Variants in TBC1D14 observed in about 807,000 individuals in gnomAD.
TBC1D14 encodes the protein TBC1 domain family member 14.
In TBC1D14, 26 loss-of-function variants were observed where a neutral mutation model predicts 79.0. The observed-to-expected ratio is 0.33, with a 90% CI of 0.24 to 0.46. The LOEUF is 0.46. Among genes scored for constraint, TBC1D14 ranks in the 20% least tolerant of loss-of-function variants. The probability of loss-of-function intolerance (pLI) is 1.00; values close to 1 mark genes in which losing one functional copy is unlikely to be tolerated. For missense variants in TBC1D14, 769 were observed against 887.6 expected (o/e 0.87, Z 1.70); for synonymous variants, 394 against 349.9 (o/e 1.13, Z -1.40).
chr4:6,915,072 G>C (rs1174118109), intron 1 of TBC1D14, among the ~76,000 whole-genome samples: 1 of 152,252 alleles, frequency 6.6e-6, no homozygotes, highest in East Asian at 1.9e-4. Flanking sequence ...AGATGCAGGG[G>C]TTGGTGCTTG....
At chr4:7,021,539 G>T (rs114987250) in intron 12 of TBC1D14, among the ~76,000 whole-genome samples, 4,757 of 152,260 alleles carry the variant, frequency 0.031, 250 homozygotes, top group African/African-American at 0.11. Context: ...CTAGGTTGCA[G>T]TGAGCCGTGA....
At chr4:7,000,923 T>A (rs1331978499) in intron 6 of TBC1D14, among the ~76,000 whole-genome samples, 1 of 152,188 alleles carries the variant, frequency 6.6e-6, no homozygotes, top group Non-Finnish European at 1.5e-5. Flanking sequence ...CGTGGTGACC[T>A]ACGCTATGCT....
chr4:6,930,929 C>A (rs533413185), intron 2 of TBC1D14, among the ~76,000 whole-genome samples: 4 of 152,060 alleles, frequency 2.6e-5, no homozygotes, highest in Admixed American at 2.6e-4. Flanking sequence ...GAGATGAAAT[C>A]TTGCTGTGTT....
At chr4:6,974,615 G>T (rs1439613311) in intron 3 of TBC1D14, among the ~76,000 whole-genome samples, 1 of 152,144 alleles carries the variant, frequency 6.6e-6, no homozygotes, top group South Asian at 2.1e-4. Context: ...CGCTTCAAAG[G>T]CTTTGAAAAC....
intron 2 of TBC1D14, among the ~76,000 whole-genome samples, chr4:6,941,018 C>T (rs1560264480): frequency 1.3e-5 from 2 of 152,120 alleles, no homozygotes; most frequent in Non-Finnish European, 2.9e-5. Flanking sequence ...TGAGGGTAAA[C>T]ACGAGCGATT....
chr4:6,985,427 A>G (rs1217414641), intron 3 of TBC1D14, among the ~76,000 whole-genome samples: 2 of 152,234 alleles, frequency 1.3e-5, no homozygotes, highest in Admixed American at 1.3e-4. Flanking sequence ...AAGGTCAAAG[A>G]TTTATTTTAC....
intron 12 of TBC1D14, among the ~76,000 whole-genome samples, chr4:7,022,764 G>A (rs1335012892): frequency 1.3e-5 from 2 of 151,958 alleles, no homozygotes; most frequent in African/African-American, 2.4e-5. Flanking sequence ...ATTTTATAAA[G>A]TTCATTACCT....
intron 8 of TBC1D14, among the ~76,000 whole-genome samples, chr4:7,006,215 G>A (rs999333310): frequency 2.6e-5 from 4 of 152,046 alleles, no homozygotes; most frequent in African/African-American, 7.2e-5. Flanking sequence ...GTATAATACC[G>A]CAATAGTTTC....
At chr4:6,959,527 C>G (rs988660974) in intron 2 of TBC1D14, among the ~76,000 whole-genome samples, 1 of 152,100 alleles carries the variant, frequency 6.6e-6, no homozygotes, top group Non-Finnish European at 1.5e-5. Context: ...CCAGCAGGGC[C>G]CCCGCCTCTG....
chr4:6,937,131 G>A (rs907853646), intron 2 of TBC1D14, among the ~76,000 whole-genome samples: 1 of 152,202 alleles, frequency 6.6e-6, no homozygotes, highest in African/African-American at 2.4e-5. Context: ...TGGTCAGGCT[G>A]GTCTGGAACT....
At chr4:6,926,756 T>TA (rs1724329188) in intron 2 of TBC1D14, among the ~76,000 whole-genome samples, 1 of 152,210 alleles carries the variant, frequency 6.6e-6, no homozygotes. Flanking sequence ...TAAATGGAGT[T>TA]ACAGTGAATG....
At chr4:6,944,622 T>C (rs1346375677) in intron 2 of TBC1D14, among the ~76,000 whole-genome samples, 2 of 152,248 alleles carry the variant, frequency 1.3e-5, no homozygotes, top group Non-Finnish European at 2.9e-5. Flanking sequence ...AAGCAGTGGC[T>C]GATGGGCGGT....
intron 3 of TBC1D14, among the ~76,000 whole-genome samples, chr4:6,983,811 T>C (rs180838441): frequency 6.6e-6 from 1 of 152,364 alleles, no homozygotes; most frequent in Admixed American, 6.5e-5. Context: ...CTGAGAAGTA[T>C]AAATTCTTCA....
chr4:6,962,812 C>T (rs890284179), intron 2 of TBC1D14, among the ~76,000 whole-genome samples: 4 of 152,190 alleles, frequency 2.6e-5, no homozygotes, highest in South Asian at 2.1e-4. Context: ...GGCCTTGATT[C>T]GTCTGGGTTG....
intron 2 of TBC1D14, among the ~76,000 whole-genome samples, chr4:6,940,459 C>T (rs1214946947): frequency 6.6e-6 from 1 of 152,116 alleles, no homozygotes; most frequent in Non-Finnish European, 1.5e-5. Flanking sequence ...GGAAGGAAAC[C>T]CAGGCCAGGT....
At chr4:6,998,297 T>C (rs1577145210) in intron 5 of TBC1D14, among the ~76,000 whole-genome samples, 1 of 149,744 alleles carries the variant, frequency 6.7e-6, no homozygotes, top group Non-Finnish European at 1.5e-5. Flanking sequence ...GAGGCGGAGG[T>C]TTCAGTGAGC....
At chr4:6,984,049 C>A (rs1023799181) in intron 3 of TBC1D14, among the ~76,000 whole-genome samples, 3 of 143,458 alleles carry the variant, frequency 2.1e-5, no homozygotes, top group African/African-American at 7.5e-5. Context: ...CACATTTGTT[C>A]TTTTACAGGT....
chr4:7,016,674 A>G (rs531363240), intron 12 of TBC1D14, among the ~76,000 whole-genome samples: 2 of 152,370 alleles, frequency 1.3e-5, no homozygotes, highest in South Asian at 2.1e-4. Context: ...CGGTGGTTTC[A>G]TGACCCAGTA....
intron 7 of TBC1D14, among the ~76,000 whole-genome samples, chr4:7,001,639 T>A (rs3857170): frequency 0.43 from 65,038 of 152,024 alleles, 14,660 homozygotes; most frequent in East Asian, 0.6. Flanking sequence ...TTTGTGGGAT[T>A]TTTTTTCAGG....
Sources: gnomAD v4.1 joint callset for allele counts (sites outside exome capture counted in the v4.1 genomes callset) on GRCh38, gnomAD v4.1.1 for gene constraint, MANE v1.5 for transcripts, NCBI Gene and HGNC (gene_info 2026-07-23, HGNC 2026-07-21) for gene names.